RNF157: variants seen among roughly 807,000 people sequenced by gnomAD.
RNF157 encodes ring finger protein 157, also known as E3 ubiquitin ligase RNF157.
Under a neutral mutation model 88.3 loss-of-function variants are expected in RNF157, and 55 were observed. That is an observed-to-expected ratio of 0.62 (90% CI 0.50 to 0.78). The LOEUF is 0.78. RNF157 is among the 30% of genes least tolerant of loss of function. The probability of loss-of-function intolerance (pLI) is 0.00; values close to 1 mark genes in which losing one functional copy is unlikely to be tolerated. For missense variants in RNF157, 788 were observed against 860.8 expected (o/e 0.92, Z 1.06); for synonymous variants, 334 against 341.2 (o/e 0.98, Z 0.23).
intron 1 of RNF157, among the ~76,000 whole-genome samples, chr17:76,237,942 G>T (rs2070309715): frequency 6.6e-6 from 1 of 152,006 alleles, no homozygotes; most frequent in Non-Finnish European, 1.5e-5. Flanking sequence ...CAATTAGCCG[G>T]GTGTGGTGGC....
At chr17:76,197,299 G>C (rs1598422520) in intron 2 of RNF157, among the ~76,000 whole-genome samples, 1 of 152,206 alleles carries the variant, frequency 6.6e-6, no homozygotes, top group Non-Finnish European at 1.5e-5. Flanking sequence ...GAAACTGGGT[G>C]ACTGCTATTA....
rs1568055026 is a variant in RNF157 at position 76,195,815 on chromosome 17, C to T, written c.207+16549G>A. The stretch of plus-strand genomic sequence containing the variant: ...CCAGAGGTGGGGCTCGCACATCAGA[C>T]TAAATTGAGCACAAGCTAAAACAGG... On this transcript the variant is annotated intron_variant, in intron 2 of 18. Coordinates refer to ENST00000269391, the MANE Select transcript of RNF157 (RefSeq NM_052916.3). This position sits in a 1 kb window ranked among gnomAD's most constrained non-coding sequence, Gnocchi z 4.4. Among the ~76,000 whole-genome samples, 1 of 152,178 alleles carries T rather than the reference C, an allele frequency of 6.6e-6. No homozygotes were observed. The highest frequency in any genetic ancestry group is 1.5e-5 in the Non-Finnish European group (1 of 68,042).
At chr17:76,202,525 C>T (rs1206725589) in intron 2 of RNF157, 1 of 153,454 alleles carries the variant, frequency 6.5e-6, no homozygotes, top group East Asian at 1.9e-4. Flanking sequence ...AAGATTACAG[C>T]AATGATGCCA....
At chr17:76,207,481 G>A (rs1203696428) in intron 2 of RNF157, among the ~76,000 whole-genome samples, 4 of 152,162 alleles carry the variant, frequency 2.6e-5, no homozygotes, top group African/African-American at 4.8e-5. Flanking sequence ...TCTGTGGTGC[G>A]AAGTACAGCT....
chr17:76,228,906 AGAGT>A (rs1338915504), intron 1 of RNF157, among the ~76,000 whole-genome samples: 8 of 152,082 alleles, frequency 5.3e-5, no homozygotes, highest in Admixed American at 4.6e-4. Context: ...CCTGGGCGAC[AGAGT>A]GAGACTCCAT....
chr17:76,226,219 G>A, intron 1 of RNF157: 1 of 1,612,366 alleles, frequency 6.2e-7, no homozygotes, highest in Non-Finnish European at 8.5e-7. Flanking sequence ...AAGCAGTGGA[G>A]TCCGGCTTCC....
At chr17:76,194,388 A>C (rs966259088) in intron 2 of RNF157, among the ~76,000 whole-genome samples, 12 of 152,282 alleles carry the variant, frequency 7.9e-5, no homozygotes, top group African/African-American at 2.9e-4. Flanking sequence ...ACCATAGGAG[A>C]CTTTCAAATA....
chr17:76,144,985 G>A lies in RNF157; in HGVS notation c.*250C>T, dbSNP rs117169554. ...AGCTCCACCTGAACATCAATATACC[G>A]TGAGGACATTCCAGAGTCCCTGCAA... On this transcript the variant is annotated 3_prime_UTR_variant, in exon 19 of 19. Transcript: ENST00000269391. 802 of 455,258 alleles carry A rather than the reference G, an allele frequency of 1.8e-3. 4 individuals are homozygous for A. The highest frequency in any genetic ancestry group is 2.4e-3 in the Non-Finnish European group (604 of 256,042). The allele number at this position is 455,258 out of a possible 1,614,324, so 28.2% of individuals were successfully genotyped here.
intron 14 of RNF157, 43 bp downstream of exon 14, chr17:76,156,167 G>C: frequency 6.8e-7 from 1 of 1,477,816 alleles, no homozygotes; most frequent in Admixed American, 1.7e-5. Context: ...TGTGGGCTGG[G>C]TAAGGGGGAA....
At chr17:76,177,266 G>C (rs2069119341) in intron 2 of RNF157, among the ~76,000 whole-genome samples, 1 of 152,016 alleles carries the variant, frequency 6.6e-6, no homozygotes, top group Non-Finnish European at 1.5e-5. Flanking sequence ...GCTGTGGATC[G>C]GGGGCCTCCA....
rs1033656172 is a variant in RNF157, at chr17:76,161,765, G to C, written c.952+78C>G. On this transcript the variant is annotated intron_variant, in intron 10 of 18. Coordinates refer to ENST00000269391, the MANE Select transcript of RNF157 (RefSeq NM_052916.3). The surrounding 1 kb of genome is among the most constrained non-coding windows in gnomAD (Gnocchi z 4.6). Reference sequence around the variant, plus strand: ...CATCCGTTTGTCAGATCCAGCAGCAGCACATGCTTCAGTGTTTTGTAAATG... The same window carrying C: ...CATCCGTTTGTCAGATCCAGCAGCACCACATGCTTCAGTGTTTTGTAAATG... 9 of 1,558,118 alleles carry C rather than the reference G, an allele frequency of 5.8e-6. No individual in the cohort carries two copies. The highest frequency in any genetic ancestry group is 7.9e-6 in the Non-Finnish European group (9 of 1,138,080).
At chr17:76,221,940 AT>A (rs1168195065) in intron 1 of RNF157, among the ~76,000 whole-genome samples, 1 of 152,244 alleles carries the variant, frequency 6.6e-6, no homozygotes, top group East Asian at 1.9e-4. Flanking sequence ...CTGTAGTATG[AT>A]TCCATGTATA....
Position 76,176,081 on chromosome 17 carries a change from C to T in RNF157, c.208-2291G>A, listed in dbSNP as rs1420988420. Among the ~76,000 whole-genome samples, 1 of 152,210 alleles carries T rather than the reference C, an allele frequency of 6.6e-6. No individual in the cohort carries two copies. Among genetic ancestry groups the T allele is most frequent in the Non-Finnish European group, 1.5e-5 (1 of 68,044 alleles). On this transcript the variant is annotated intron_variant, in intron 2 of 18. Transcript: ENST00000269391. The surrounding 1 kb of genome is among the most constrained non-coding windows in gnomAD (Gnocchi z 4.2). ...GGCTGCTACCCACCAAAGTTTGTGCCTTGCTGGCCTTGCATTCATGCAATC... is the reference window on the plus strand; with the variant it reads ...GGCTGCTACCCACCAAAGTTTGTGCTTTGCTGGCCTTGCATTCATGCAATC...
At chr17:76,229,935 T>C (rs932017563) in intron 1 of RNF157, among the ~76,000 whole-genome samples, 1 of 152,210 alleles carries the variant, frequency 6.6e-6, no homozygotes, top group Non-Finnish European at 1.5e-5. Flanking sequence ...AGTAAAACTT[T>C]AAAGTACTGT....
chr17:76,210,908 G>A (rs978350513), intron 2 of RNF157, among the ~76,000 whole-genome samples: 2 of 152,104 alleles, frequency 1.3e-5, no homozygotes, highest in East Asian at 1.9e-4. Flanking sequence ...GGGTTCAAGC[G>A]ATTCTCCTGC....
At chr17:76,185,638 T>G (rs915282946) in intron 2 of RNF157, among the ~76,000 whole-genome samples, 1 of 151,610 alleles carries the variant, frequency 6.6e-6, no homozygotes, top group African/African-American at 2.4e-5. Flanking sequence ...CCCGGCTAAT[T>G]TTTTGTATTT....
chr17:76,212,199 G>A, intron 2 of RNF157, 165 bp downstream of exon 2: 1 of 577,774 alleles, frequency 1.7e-6, no homozygotes, highest in Non-Finnish European at 3.1e-6. Flanking sequence ...CTAGCAACAA[G>A]AGATCCCATA....
intron 2 of RNF157, among the ~76,000 whole-genome samples, chr17:76,177,081 G>A (rs969682881): frequency 4.6e-5 from 7 of 152,246 alleles, no homozygotes; most frequent in Admixed American, 2.0e-4. Context: ...GTGAAGCACC[G>A]GGGGAACAGG....
intron 3 of RNF157, among the ~76,000 whole-genome samples, chr17:76,170,700 T>C (rs886796207): frequency 6.6e-6 from 1 of 152,128 alleles, no homozygotes; most frequent in African/African-American, 2.4e-5. Flanking sequence ...CTTTGGGGGA[T>C]AATATCACAG....
Sources: gnomAD v4.1 joint callset for allele counts (sites outside exome capture counted in the v4.1 genomes callset) on GRCh38, gnomAD v4.1.1 for gene constraint, Gnocchi (gnomAD v3.1) non-coding constraint, MANE v1.5 for transcripts, NCBI Gene and HGNC (gene_info 2026-07-23, HGNC 2026-07-21) for gene names.